DACH2: variants seen among roughly 807,000 people sequenced by gnomAD.
The protein encoded by DACH2 is dachshund homolog 2.
DACH2 carries 17 observed loss-of-function variants against 35.8 expected under a neutral mutation model. That is an observed-to-expected ratio of 0.48 (90% CI 0.33 to 0.71). The LOEUF is 0.71. Among genes scored for constraint, DACH2 ranks in the 30% least tolerant of loss-of-function variants. The pLI, the probability that DACH2 is intolerant of heterozygous loss-of-function variation, is 0.02. For missense variants in DACH2, 469 were observed against 472.7 expected, an observed-to-expected ratio of 0.99 and a Z score of 0.07; for synonymous variants, 195 against 177.3, an observed-to-expected ratio of 1.10 and a Z score of -0.79.
intron 4 of DACH2, among the ~76,000 whole-genome samples, chrX:86,659,133 C>T (rs903934869): frequency 9.0e-6 from 1 of 110,690 alleles, no homozygotes; most frequent in Non-Finnish European, 1.9e-5. Flanking sequence ...GGGAATCAAG[C>T]GAGGCATGCT....
intron 1 of DACH2, among the ~76,000 whole-genome samples, chrX:86,159,441 T>C (rs2030669404): frequency 8.9e-6 from 1 of 111,925 alleles, no homozygotes. Flanking sequence ...ATTTATTTTG[T>C]AGAAAAATCT....
At chrX:86,289,612 C>T (rs1375796935) in intron 1 of DACH2, among the ~76,000 whole-genome samples, 1 of 88,989 alleles carries the variant, frequency 1.1e-5, no homozygotes, top group Non-Finnish European at 2.2e-5. Context: ...TGATGTTCCC[C>T]TTCCTGTGTC....
At chrX:86,436,374 A>T (rs985346804) in intron 2 of DACH2, among the ~76,000 whole-genome samples, 2 of 70,030 alleles carry the variant, frequency 2.9e-5, no homozygotes, top group Non-Finnish European at 3.0e-5. Context: ...ATGTATATAT[A>T]TATATATATA....
At chrX:86,530,492 T>G (rs1317946220) in intron 3 of DACH2, among the ~76,000 whole-genome samples, 2 of 111,151 alleles carry the variant, frequency 1.8e-5, no homozygotes, top group Non-Finnish European at 3.8e-5. Flanking sequence ...TTCCTTTCTC[T>G]CTCTCTTTCT....
intron 7 of DACH2, among the ~76,000 whole-genome samples, chrX:86,808,283 G>A (rs761443003): frequency 8.9e-6 from 1 of 111,988 alleles, no homozygotes; most frequent in Non-Finnish European, 1.9e-5. Flanking sequence ...TTATAAAGGA[G>A]CCTGTTATGT....
chrX:86,504,962 G>A (rs1017148910), intron 2 of DACH2, among the ~76,000 whole-genome samples: 3 of 111,826 alleles, frequency 2.7e-5, no homozygotes, highest in African/African-American at 9.7e-5. Flanking sequence ...ACATGAAAAT[G>A]TATTGCAGTT....
intron 3 of DACH2, among the ~76,000 whole-genome samples, chrX:86,586,629 A>G (rs764811939): frequency 6.3e-5 from 7 of 111,545 alleles, no homozygotes; most frequent in Admixed American, 9.6e-5. Flanking sequence ...TCCAGTTTCA[A>G]TCTTCTACAT....
chrX:86,472,077 C>T (rs767836889), intron 2 of DACH2, among the ~76,000 whole-genome samples: 2 of 111,470 alleles, frequency 1.8e-5, no homozygotes, highest in African/African-American at 3.3e-5. Flanking sequence ...AGAATGAATG[C>T]GGATTATTAC....
intron 1 of DACH2, among the ~76,000 whole-genome samples, chrX:86,220,223 G>A (rs2032677642): frequency 9.3e-6 from 1 of 107,279 alleles, no homozygotes; most frequent in African/African-American, 3.4e-5. Flanking sequence ...ATGTGTGCAT[G>A]TGTGTTTAGA....
chrX:86,763,295 T>A (rs1009201965), intron 7 of DACH2, among the ~76,000 whole-genome samples: 1 of 112,275 alleles, frequency 8.9e-6, no homozygotes, highest in Non-Finnish European at 1.9e-5. Context: ...AATGGAATGA[T>A]TTACAACCAC....
At chrX:86,336,324 T>A (rs1046930477) in intron 1 of DACH2, among the ~76,000 whole-genome samples, 3 of 112,138 alleles carry the variant, frequency 2.7e-5, no homozygotes, top group African/African-American at 9.7e-5. Context: ...GAAAGAATGG[T>A]ACCAGCTCCT....
At chrX:86,338,011 ACTAT>A (rs2035346426) in intron 1 of DACH2, among the ~76,000 whole-genome samples, 1 of 111,899 alleles carries the variant, frequency 8.9e-6, no homozygotes, top group Non-Finnish European at 1.9e-5. Context: ...TGCAACAAGA[ACTAT>A]CTATCCTAAA....
At chrX:86,779,280 G>A (rs1186147418) in intron 7 of DACH2, among the ~76,000 whole-genome samples, 7 of 111,263 alleles carry the variant, frequency 6.3e-5, no homozygotes, top group Admixed American at 1.9e-4. Flanking sequence ...AGTAGATGAG[G>A]GAGCTAACCA....
At chrX:86,699,197 A>G (rs1161095778) in intron 5 of DACH2, among the ~76,000 whole-genome samples, 1 of 111,997 alleles carries the variant, frequency 8.9e-6, no homozygotes, top group Non-Finnish European at 1.9e-5. Context: ...ACTGAACTCT[A>G]GAACAAACGG....
At chrX:86,540,838 A>G (rs1249570147) in intron 3 of DACH2, among the ~76,000 whole-genome samples, 1 of 112,054 alleles carries the variant, frequency 8.9e-6, no homozygotes, top group Non-Finnish European at 1.9e-5. Flanking sequence ...TAATAAATTA[A>G]CATAAACTAC....
At chrX:86,171,689 G>T (rs2031130719) in intron 1 of DACH2, among the ~76,000 whole-genome samples, 1 of 111,498 alleles carries the variant, frequency 9.0e-6, no homozygotes, top group Non-Finnish European at 1.9e-5. Flanking sequence ...ACCCAGAGAT[G>T]CTCTCTGACC....
At chrX:86,828,003 C>T (rs764723647) in intron 11 of DACH2, 1 of 362,143 alleles carries the variant, frequency 2.8e-6, no homozygotes, top group African/African-American at 2.8e-5. Context: ...TGACTGAACA[C>T]ATTTTACACT....
At chrX:86,708,090 C>G (rs915111292) in intron 5 of DACH2, among the ~76,000 whole-genome samples, 2 of 108,141 alleles carry the variant, frequency 1.8e-5, no homozygotes, top group South Asian at 8.0e-4. Flanking sequence ...ATACAATACC[C>G]ATTCATAATA....
chrX:86,160,838 G>T, intron 1 of DACH2: 2 of 499,598 alleles, frequency 4.0e-6, no homozygotes, highest in South Asian at 6.0e-5. Flanking sequence ...TACCGGGTTT[G>T]AGAACACCAG....
Sources: gnomAD v4.1 joint callset for allele counts (sites outside exome capture counted in the v4.1 genomes callset) on GRCh38, gnomAD v4.1.1 for gene constraint, MANE v1.5 for transcripts, NCBI Gene and HGNC (gene_info 2026-07-23, HGNC 2026-07-21) for gene names.